The following HS3ST5 variants were observed in gnomAD, a reference collection of about 807,000 sequenced individuals.
The protein encoded by HS3ST5 is heparan sulfate glucosamine 3-O-sulfotransferase 5.
Under a neutral mutation model 25.4 loss-of-function variants are expected in HS3ST5, and 10 were observed. That is an observed-to-expected ratio of 0.39 (90% CI 0.24 to 0.67). The LOEUF is 0.67. Among genes scored for constraint, HS3ST5 ranks in the 30% least tolerant of loss-of-function variants. HS3ST5 has a pLI of 0.44. For synonymous variants in HS3ST5, 170 were observed against 162.4 expected (o/e 1.05, Z -0.36); for missense variants, 324 against 420.7 (o/e 0.77, Z 2.01).
chr6:114,243,419 T>C (rs1178175028), intron 1 of HS3ST5, among the ~76,000 whole-genome samples: 1 of 152,170 alleles, frequency 6.6e-6, no homozygotes, highest in East Asian at 1.9e-4. Flanking sequence ...ATGACACATA[T>C]GAGAACTAGG....
At chr6:114,214,584 C>T (rs530688248) in intron 2 of HS3ST5, among the ~76,000 whole-genome samples, 1 of 152,194 alleles carries the variant, frequency 6.6e-6, no homozygotes, top group East Asian at 1.9e-4. Flanking sequence ...CATAATTACT[C>T]CTTAACTGCA....
chr6:114,152,186 T>G (rs1388033836), intron 3 of HS3ST5, among the ~76,000 whole-genome samples: 2 of 152,144 alleles, frequency 1.3e-5, no homozygotes, highest in Non-Finnish European at 2.9e-5. Flanking sequence ...CCTCCCAAAG[T>G]GCTGGGATTA....
At chr6:114,204,609 AT>A (rs1035073000) in intron 2 of HS3ST5, among the ~76,000 whole-genome samples, 10 of 152,094 alleles carry the variant, frequency 6.6e-5, no homozygotes, top group African/African-American at 2.4e-4. Flanking sequence ...GTTTTAAAGT[AT>A]TTTTTTGGGT....
At chr6:114,257,682 C>G (rs1772992783) in intron 1 of HS3ST5, among the ~76,000 whole-genome samples, 1 of 152,176 alleles carries the variant, frequency 6.6e-6, no homozygotes, top group Non-Finnish European at 1.5e-5. Context: ...CACTCCACAT[C>G]TGTCTTTAAT....
At chr6:114,178,691 A>G (rs1015400554) in intron 2 of HS3ST5, 10 of 152,214 alleles carry the variant, frequency 6.6e-5, no homozygotes, top group Non-Finnish European at 1.2e-4. Context: ...GAGAGCAAGC[A>G]AAACATTGCA....
At chr6:114,223,895 C>T (rs1008627850) in intron 2 of HS3ST5, among the ~76,000 whole-genome samples, 11 of 151,542 alleles carry the variant, frequency 7.3e-5, no homozygotes, top group African/African-American at 2.4e-4. Context: ...AGTCTACCAC[C>T]TAAAAAATGG....
intron 3 of HS3ST5, among the ~76,000 whole-genome samples, chr6:114,096,133 C>A (rs971533271): frequency 6.6e-6 from 1 of 152,140 alleles, no homozygotes; most frequent in Non-Finnish European, 1.5e-5. Flanking sequence ...TAGGCAAGGG[C>A]AGAGGCTTTG....
chr6:114,244,786 T>G (rs575771888), intron 1 of HS3ST5, among the ~76,000 whole-genome samples: 11 of 152,294 alleles, frequency 7.2e-5, no homozygotes, highest in Non-Finnish European at 1.6e-4. Flanking sequence ...TAGAGAGAAC[T>G]CAAATGCTGG....
At chr6:114,264,785 AAGG>A (rs1477032581) in intron 1 of HS3ST5, among the ~76,000 whole-genome samples, 1 of 152,208 alleles carries the variant, frequency 6.6e-6, no homozygotes, top group African/African-American at 2.4e-5. Flanking sequence ...TTTACAAAGT[AAGG>A]AGAAGAGTTT....
At chr6:114,171,576 C>T (rs181942832) in intron 2 of HS3ST5, among the ~76,000 whole-genome samples, 4 of 152,204 alleles carry the variant, frequency 2.6e-5, no homozygotes, top group African/African-American at 9.6e-5. Context: ...AATATGTGTT[C>T]GGCACTGAAC....
intron 1 of HS3ST5, among the ~76,000 whole-genome samples, chr6:114,335,644 C>A (rs1776579227): frequency 6.6e-6 from 1 of 151,876 alleles, no homozygotes; most frequent in South Asian, 2.1e-4. Context: ...TCCCAAAAGC[C>A]TCCTCTTTTT....
At chr6:114,258,981 A>T (rs1773051359) in intron 1 of HS3ST5, among the ~76,000 whole-genome samples, 1 of 152,216 alleles carries the variant, frequency 6.6e-6, no homozygotes, top group Non-Finnish European at 1.5e-5. Flanking sequence ...CTTGGCTCAG[A>T]TTCTCATTTT....
At chr6:114,236,889 A>T (rs184165964) in intron 1 of HS3ST5, among the ~76,000 whole-genome samples, 1 of 152,318 alleles carries the variant, frequency 6.6e-6, no homozygotes, top group East Asian at 1.9e-4. Context: ...GAAAAGATAG[A>T]TGTCAAAGAA....
chr6:114,192,449 A>G (rs1319338235), intron 2 of HS3ST5, among the ~76,000 whole-genome samples: 1 of 152,196 alleles, frequency 6.6e-6, no homozygotes, highest in African/African-American at 2.4e-5. Context: ...AAACCTGTCT[A>G]TTTAAGGTGC....
rs192604366 is a variant in HS3ST5 at position 114,286,133 on chromosome 6, G to T, written c.-339+56062C>A. The stretch of plus-strand genomic sequence containing the variant: ...AAAATTTCCATAATTAACATGTAAT[G>T]CTGTTTTTGATAAGAAAATAAGAAA... On this transcript the variant is annotated intron_variant, in intron 1 of 4. Transcript: ENST00000312719. Among the ~76,000 whole-genome samples, 212 of 151,934 alleles carry T rather than the reference G, an allele frequency of 1.4e-3. 3 individuals carry two copies. The highest frequency in any genetic ancestry group is 7.4e-5 in the Non-Finnish European group (5 of 67,942).
intron 4 of HS3ST5, among the ~76,000 whole-genome samples, chr6:114,062,259 C>G (rs1044882038): frequency 2.6e-4 from 39 of 152,160 alleles, no homozygotes; most frequent in African/African-American, 7.7e-4. Flanking sequence ...TAAAACTCCC[C>G]ACGCCTGCAG....
chr6:114,105,797 G>C (rs1323393025), intron 3 of HS3ST5, among the ~76,000 whole-genome samples: 1 of 152,118 alleles, frequency 6.6e-6, no homozygotes, highest in Non-Finnish European at 1.5e-5. Flanking sequence ...CCATAACTGG[G>C]CATAACTCTT....
chr6:114,173,975 C>T (rs1779598814), intron 2 of HS3ST5, among the ~76,000 whole-genome samples: 1 of 152,118 alleles, frequency 6.6e-6, no homozygotes, highest in South Asian at 2.1e-4. Context: ...GCTTGGATAC[C>T]TATAGGCACC....
intron 3 of HS3ST5, among the ~76,000 whole-genome samples, chr6:114,081,256 G>C (rs1229204379): frequency 6.6e-6 from 1 of 152,018 alleles, no homozygotes; most frequent in Non-Finnish European, 1.5e-5. Context: ...AAATACTGAG[G>C]GAATTACCCA....
Sources: gnomAD v4.1 joint callset for allele counts (sites outside exome capture counted in the v4.1 genomes callset) on GRCh38, gnomAD v4.1.1 for gene constraint, MANE v1.5 for transcripts, NCBI Gene and HGNC (gene_info 2026-07-23, HGNC 2026-07-21) for gene names.